ADGRL2: variants seen among roughly 807,000 people sequenced by gnomAD.
The protein encoded by ADGRL2 is calcium-independent alpha-latrotoxin receptor 2.
Under a neutral mutation model 157.4 loss-of-function variants are expected in ADGRL2, and 44 were observed. The observed-to-expected ratio is 0.28, with a 90% CI of 0.22 to 0.36. The LOEUF is 0.36. ADGRL2 is among the 10% of genes least tolerant of loss of function. The pLI is 1.00. For missense variants in ADGRL2, 1,510 were observed against 1,768.9 expected, an observed-to-expected ratio of 0.85 and a Z score of 2.63; for synonymous variants, 585 against 624.7, an observed-to-expected ratio of 0.94 and a Z score of 0.95.
intron 1 of ADGRL2, among the ~76,000 whole-genome samples, chr1:81,803,910 C>T (rs2088712406): frequency 6.6e-6 from 1 of 152,170 alleles, no homozygotes; most frequent in African/African-American, 2.4e-5. Flanking sequence ...TTGCTCTTTG[C>T]TCAACGAAGT....
chr1:81,934,315 A>G (rs2095277941), intron 3 of ADGRL2, among the ~76,000 whole-genome samples: 1 of 152,016 alleles, frequency 6.6e-6, no homozygotes, highest in Admixed American at 6.6e-5. Context: ...TCTTTCAAAC[A>G]AAATGTAATG....
At chr1:81,582,898 TG>T (rs1366123432) in intron 3 of ADGRL2, among the ~76,000 whole-genome samples, 11 of 152,146 alleles carry the variant, frequency 7.2e-5, no homozygotes, top group Middle Eastern at 3.4e-3. Context: ...GAAAATACCT[TG>T]GCAACCACAC....
At chr1:81,324,329 C>T (rs1427475960) in intron 1 of ADGRL2, among the ~76,000 whole-genome samples, 1 of 130,608 alleles carries the variant, frequency 7.7e-6, no homozygotes, top group Non-Finnish European at 1.6e-5. Flanking sequence ...TATGGCAAAA[C>T]CCTGTCTCTA....
chr1:81,455,641 T>C (rs1294297985), intron 2 of ADGRL2, among the ~76,000 whole-genome samples: 1 of 152,220 alleles, frequency 6.6e-6, no homozygotes, highest in African/African-American at 2.4e-5. Context: ...GTTGAAGAAG[T>C]CATTTTTGAA....
chr1:81,659,980 A>G (rs1476712979), intron 3 of ADGRL2, among the ~76,000 whole-genome samples: 1 of 152,190 alleles, frequency 6.6e-6, no homozygotes, highest in Non-Finnish European at 1.5e-5. Flanking sequence ...TTCAGAATCT[A>G]TCGCCCCCCA....
intron 3 of ADGRL2, among the ~76,000 whole-genome samples, chr1:81,688,112 T>A (rs2083266599): frequency 6.6e-6 from 1 of 152,170 alleles, no homozygotes; most frequent in Non-Finnish European, 1.5e-5. Context: ...TTCTTTCCTT[T>A]GTCTTAACTT....
At chr1:81,730,811 T>TA (rs1176214077) in intron 1 of ADGRL2, among the ~76,000 whole-genome samples, 2 of 152,210 alleles carry the variant, frequency 1.3e-5, no homozygotes, top group African/African-American at 4.8e-5. Context: ...AATTCACTCT[T>TA]ACCTTAATAA....
At chr1:81,438,943 T>G (rs1056451665) in intron 1 of ADGRL2, among the ~76,000 whole-genome samples, 1 of 152,166 alleles carries the variant, frequency 6.6e-6, no homozygotes, top group African/African-American at 2.4e-5. Flanking sequence ...TGCTCTTCTT[T>G]TTCCTCTTTG....
rs532446516 is a variant in ADGRL2, at chr1:81,801,611, T to C, written c.-101+543T>C. ...CCCGAGTCTGCGCCGCCAGCCTTCC[T>C]TGGGGCAGCGGCCACCGCTCAGCCC... is the stretch of plus-strand genomic sequence containing the variant. On this transcript the variant is annotated intron_variant, in intron 1 of 23. Coordinates refer to ENST00000686636, the MANE Select transcript of ADGRL2 (RefSeq NM_001366006.2). 1.0e-3 allele frequency among the ~76,000 whole-genome samples: 152 copies of C among 152,260 alleles called. 1 individual carries two copies. The highest frequency in any genetic ancestry group is 3.6e-3 in the African/African-American group (148 of 41,560).
At chr1:81,699,641 C>G (rs1035558927), upstream of ADGRL2, 1 of 152,114 alleles carries the variant, frequency 6.6e-6, no homozygotes, top group African/African-American at 2.4e-5. Flanking sequence ...AAATTCCTGA[C>G]GAAACACAGA....
At chr1:81,717,893 G>T (rs1207032624) in intron 1 of ADGRL2, among the ~76,000 whole-genome samples, 2 of 152,150 alleles carry the variant, frequency 1.3e-5, no homozygotes, top group Non-Finnish European at 2.9e-5. Context: ...GTCTCTAGAG[G>T]CTAGTCTTTT....
intron 3 of ADGRL2, among the ~76,000 whole-genome samples, chr1:81,643,444 C>A (rs1428843797): frequency 5.9e-5 from 9 of 152,088 alleles, no homozygotes; most frequent in African/African-American, 2.2e-4. Context: ...TCCTGAGTAG[C>A]CAGGACTACA....
At chr1:81,778,064 T>G (rs1341264871) in intron 2 of ADGRL2, among the ~76,000 whole-genome samples, 2 of 152,132 alleles carry the variant, frequency 1.3e-5, no homozygotes, top group East Asian at 3.9e-4. Context: ...CTCACGCCTG[T>G]AATCCCAGCA....
At chr1:81,467,737 G>A (rs2078089855) in intron 2 of ADGRL2, among the ~76,000 whole-genome samples, 1 of 152,074 alleles carries the variant, frequency 6.6e-6, no homozygotes, top group South Asian at 2.1e-4. Flanking sequence ...TTGATTGACA[G>A]GTTCAAACAG....
intron 1 of ADGRL2, among the ~76,000 whole-genome samples, chr1:81,805,821 A>G (rs1023931992): frequency 5.3e-5 from 8 of 152,140 alleles, no homozygotes; most frequent in African/African-American, 1.9e-4. Flanking sequence ...GAGTGTTATA[A>G]AGAAAACAAC....
At chr1:81,956,105 A>C (rs371797448) in intron 11 of ADGRL2, 45 bp downstream of exon 11, 8 of 1,381,774 alleles carry the variant, frequency 5.8e-6, no homozygotes, top group Non-Finnish European at 6.9e-6. Context: ...TAGGATATTC[A>C]TATGTAAGAG....
rs757239865 is a variant in ADGRL2 at position 81,356,952 on chromosome 1, C to CA, written c.-302+50464dup. ...TGGGGGACAAAATGAGACTCCGTCT[C>CA]AAAAAAAAAAAAAAAAAAAAAGAAG... On this transcript the variant is annotated intron_variant, in intron 1 of 24. Coordinates refer to the ADGRL2 transcript ENST00000370721. Among the ~76,000 whole-genome samples, 127 of 55,670 alleles carry CA rather than the reference C, an allele frequency of 2.3e-3. 4 individuals are homozygous for CA. The highest frequency in any genetic ancestry group is 7.7e-3 in the African/African-American group (105 of 13,592). The allele number at this position is 55,670 out of a possible 152,430, so 36.5% of individuals were successfully genotyped here.
chr1:81,417,623 A>T (rs1039024169), intron 1 of ADGRL2, among the ~76,000 whole-genome samples: 3 of 152,188 alleles, frequency 2.0e-5, no homozygotes, highest in Non-Finnish European at 4.4e-5. Flanking sequence ...GTACAGAGAA[A>T]ATATATTACT....
intron 2 of ADGRL2, among the ~76,000 whole-genome samples, chr1:81,539,688 AC>A (rs1422395825): frequency 6.6e-6 from 1 of 151,708 alleles, no homozygotes; most frequent in Non-Finnish European, 1.5e-5. Context: ...CAACGTAAGG[AC>A]TCTTACCACT....
Sources: gnomAD v4.1 joint callset for allele counts (sites outside exome capture counted in the v4.1 genomes callset) on GRCh38, gnomAD v4.1.1 for gene constraint, MANE v1.5 for transcripts, NCBI Gene and HGNC (gene_info 2026-07-23, HGNC 2026-07-21) for gene names.